TENM3: variants seen among roughly 807,000 people sequenced by gnomAD.
TENM3 encodes teneurin transmembrane protein 3.
Under a neutral mutation model 255.1 loss-of-function variants are expected in TENM3, and 63 were observed. The observed-to-expected ratio is 0.25, with a 90% CI of 0.20 to 0.30. The LOEUF (loss-of-function observed/expected upper bound fraction) is 0.30, where lower values mean the gene tolerates loss of function less well. Among genes scored for constraint, TENM3 ranks in the 10% least tolerant of loss-of-function variants. The pLI, the probability that TENM3 is intolerant of heterozygous loss-of-function variation, is 1.00. For missense variants in TENM3, 2,929 were observed against 3,461.1 expected (o/e 0.85, Z 3.86); for synonymous variants, 1,306 against 1,322.3 (o/e 0.99, Z 0.27).
At chr4:182,710,728 T>G (rs1189848951) in intron 12 of TENM3, among the ~76,000 whole-genome samples, 1 of 152,220 alleles carries the variant, frequency 6.6e-6, no homozygotes, top group East Asian at 1.9e-4. Context: ...AAAGCATCTT[T>G]GAAAAGCAAT....
chr4:182,472,524 G>C (rs906914513), intron 3 of TENM3, among the ~76,000 whole-genome samples: 4 of 152,056 alleles, frequency 2.6e-5, no homozygotes, highest in African/African-American at 9.7e-5. Context: ...TTAAAGATTT[G>C]TAAGGGTTTT....
the TENM3 span, among the ~76,000 whole-genome samples, chr4:182,008,325 G>A: frequency 2.0e-5 from 3 of 151,982 alleles, no homozygotes; most frequent in Non-Finnish European, 4.4e-5. Flanking sequence ...CCTATAGTGT[G>A]TTTTTCCAGC....
Position 182,480,635 on chromosome 4 carries a change from T to A in TENM3, c.512-120289T>A, listed in dbSNP as rs547996013. ...AAGTTAAAATTTGGTTCTAATTCTA[T>A]TTGGAACTCTGTATCTTTGAAAACA... On this transcript the variant is annotated intron_variant, in intron 3 of 27. Coordinates refer to ENST00000511685, the MANE Select transcript of TENM3 (RefSeq NM_001080477.4). Among the ~76,000 whole-genome samples the A allele has an allele frequency of 2.0e-5, 3 of 152,244 alleles. No individual in the cohort carries two copies. In the East Asian group the frequency reaches 5.8e-4, roughly 29 times the overall value.
the TENM3 span, among the ~76,000 whole-genome samples, chr4:181,664,140 A>G: frequency 6.6e-6 from 1 of 151,956 alleles, no homozygotes; most frequent in Non-Finnish European, 1.5e-5. Context: ...CCTTTTCTGT[A>G]CCTCAGTTTC....
the TENM3 span, among the ~76,000 whole-genome samples, chr4:182,120,162 A>C: frequency 6.6e-6 from 1 of 151,954 alleles, no homozygotes; most frequent in Non-Finnish European, 1.5e-5. Flanking sequence ...CCTTGAAGAG[A>C]GGTTCAGGCA....
At chr4:182,573,889 T>A (rs1045941818) in intron 3 of TENM3, among the ~76,000 whole-genome samples, 1 of 152,182 alleles carries the variant, frequency 6.6e-6, no homozygotes, top group Non-Finnish European at 1.5e-5. Context: ...TTTTTCACAC[T>A]TGTCATTATT....
chr4:182,447,904 G>A (rs1454860535), intron 3 of TENM3, among the ~76,000 whole-genome samples: 1 of 152,166 alleles, frequency 6.6e-6, no homozygotes, highest in Non-Finnish European at 1.5e-5. Context: ...AAGGACGTTG[G>A]ACTGGAAGCA....
chr4:182,625,049 A>G (rs934521910), intron 4 of TENM3, among the ~76,000 whole-genome samples: 2 of 152,194 alleles, frequency 1.3e-5, no homozygotes, highest in African/African-American at 2.4e-5. Flanking sequence ...TCACCGCATT[A>G]TGGTGAAAAT....
chr4:182,737,138 T>G (rs148978061), intron 17 of TENM3, 63 bp downstream of exon 17: 2 of 1,520,166 alleles, frequency 1.3e-6, no homozygotes, highest in East Asian at 2.3e-5. Flanking sequence ...TATCATAAAT[T>G]AATTGTAACC....
At chr4:182,177,355 C>T (rs534374936) in intron 1 of TENM3, among the ~76,000 whole-genome samples, 5 of 152,142 alleles carry the variant, frequency 3.3e-5, no homozygotes, top group African/African-American at 1.2e-4. Context: ...CATTCTTCTG[C>T]CCGGCTGCAT....
the TENM3 span, among the ~76,000 whole-genome samples, chr4:181,961,480 T>C: frequency 2.6e-5 from 4 of 152,204 alleles, no homozygotes; most frequent in East Asian, 5.8e-4. Context: ...GAGCGTAGTG[T>C]GCGATCTCGA....
intron 13 of TENM3, among the ~76,000 whole-genome samples, chr4:182,721,749 A>C (rs1366179914): frequency 2.0e-5 from 3 of 152,210 alleles, no homozygotes; most frequent in Non-Finnish European, 2.9e-5. Context: ...AAAAATGTTC[A>C]ACAAAATGAA....
At position 182,146,455 on chromosome 4, in the gene TENM3, T is replaced by C. The variant is rs367799515; in HGVS notation, c.-76+1701T>C. On this transcript the variant is annotated intron_variant, in intron 1 of 2. Coordinates refer to the TENM3 transcript ENST00000512480. ...ATTCTTCAAAGATAGGAGTTTATAATGAGTTTAGTTATTCTATTGTGTATT... is the reference window on the plus strand; with the variant it reads ...ATTCTTCAAAGATAGGAGTTTATAACGAGTTTAGTTATTCTATTGTGTATT... Among the ~76,000 whole-genome samples the C allele has an allele frequency of 2.4e-4, 37 of 152,278 alleles. No individual in the cohort carries two copies. In the East Asian group the frequency reaches 6.9e-3, roughly 29 times the overall value.
At chr4:181,892,869 T>C in the TENM3 span, among the ~76,000 whole-genome samples, 1 of 152,232 alleles carries the variant, frequency 6.6e-6, no homozygotes, top group African/African-American at 2.4e-5. Flanking sequence ...ATCATGAATA[T>C]ATGAATTTCC....
the TENM3 span, among the ~76,000 whole-genome samples, chr4:181,453,679 AG>A: frequency 6.6e-6 from 1 of 152,174 alleles, no homozygotes; most frequent in Non-Finnish European, 1.5e-5. Flanking sequence ...CAGCATGCAA[AG>A]CAGGGATGTT....
intron 6 of TENM3, among the ~76,000 whole-genome samples, chr4:182,661,558 T>C (rs1350650307): frequency 6.6e-6 from 1 of 152,208 alleles, no homozygotes; most frequent in Non-Finnish European, 1.5e-5. Flanking sequence ...TTTTGTCCAT[T>C]AAGCTATGTT....
chr4:182,211,643 G>A (rs2726806), intron 1 of TENM3, among the ~76,000 whole-genome samples: 84,661 of 151,990 alleles, frequency 0.56, 23,897 homozygotes, highest in Admixed American at 0.62. Flanking sequence ...CAAAAGCGCT[G>A]GAATCCTTAC....
At chr4:182,540,816 G>A (rs1294936736) in intron 3 of TENM3, among the ~76,000 whole-genome samples, 3 of 152,184 alleles carry the variant, frequency 2.0e-5, no homozygotes, top group African/African-American at 7.2e-5. Context: ...CAATGAAGAG[G>A]AACTGCATAT....
In TENM3 at chr4:182,189,496, G is replaced by A. The variant is rs76280433; in HGVS notation, c.-76+44742G>A. Among the ~76,000 whole-genome samples, 773 of 152,208 alleles carry A rather than the reference G, an allele frequency of 5.1e-3. 8 individuals are homozygous for A. The highest frequency in any genetic ancestry group is 0.017 in the African/African-American group (698 of 41,534). On this transcript the variant is annotated intron_variant, in intron 1 of 2. Transcript: ENST00000512480. ...AAAAGTTAGGGGGAAAGATCCACTG[G>A]GAAACTAGATATGGAGACTGTGTAG...
Sources: gnomAD v4.1 joint callset for allele counts (sites outside exome capture counted in the v4.1 genomes callset) on GRCh38, gnomAD v4.1.1 for gene constraint, MANE v1.5 for transcripts, NCBI Gene and HGNC (gene_info 2026-07-23, HGNC 2026-07-21) for gene names.